Variants in AKAP6 observed in about 807,000 individuals in gnomAD.
AKAP6 encodes A-kinase anchor protein 6.
A neutral mutation model predicts 188.5 loss-of-function variants in AKAP6; 58 were observed. The ratio of observed to expected loss-of-function variants is 0.31; its 90% CI spans 0.25 to 0.38. AKAP6 has a LOEUF of 0.38. AKAP6 is among the 10% of genes least tolerant of loss of function. The pLI is 1.00. For missense variants in AKAP6, 2,710 were observed against 2,740.0 expected (o/e 0.99, Z 0.24); for synonymous variants, 989 against 998.6 (o/e 0.99, Z 0.18).
At chr14:32,516,142 C>T (rs1307566248) in intron 2 of AKAP6, among the ~76,000 whole-genome samples, 1 of 152,196 alleles carries the variant, frequency 6.6e-6, no homozygotes, top group Non-Finnish European at 1.5e-5. Flanking sequence ...TGATGACTAT[C>T]TTCAGTGATT....
intron 12 of AKAP6, among the ~76,000 whole-genome samples, chr14:32,777,750 G>T (rs1416943720): frequency 6.6e-6 from 1 of 152,172 alleles, no homozygotes; most frequent in East Asian, 1.9e-4. Context: ...ATAAAAGGAA[G>T]GTGGAAGCTG....
intron 1 of AKAP6, among the ~76,000 whole-genome samples, chr14:32,376,208 C>T (rs188398429): frequency 8.5e-5 from 13 of 152,354 alleles, no homozygotes; most frequent in Admixed American, 5.9e-4. Flanking sequence ...GTTATTTGAA[C>T]TTATTTGACC....
intron 8 of AKAP6, among the ~76,000 whole-genome samples, chr14:32,689,364 G>T (rs1890070441): frequency 1.3e-5 from 2 of 152,132 alleles, no homozygotes; most frequent in Admixed American, 1.3e-4. Flanking sequence ...TTGGTGGACA[G>T]ATGGTCCACG....
chr14:32,694,387 T>G (rs1205694546), intron 8 of AKAP6, among the ~76,000 whole-genome samples: 5 of 147,044 alleles, frequency 3.4e-5, no homozygotes, highest in African/African-American at 7.5e-5. Context: ...AAAAGCGTGG[T>G]CCATGGACCA....
At chr14:32,475,798 C>T (rs1261769392) in intron 2 of AKAP6, among the ~76,000 whole-genome samples, 1 of 151,672 alleles carries the variant, frequency 6.6e-6, no homozygotes, top group Admixed American at 6.6e-5. Flanking sequence ...CTGCCACAGC[C>T]TCCCAAGTAG....
rs111620347 is a variant in AKAP6 at position 32,437,657 on chromosome 14, C to T, written c.324+3840C>T. ...CGTCACCCAGACTGGAGTGCAGTGG[C>T]GCAATCTGGGCTCACTGCAACCTTT... On this transcript the variant is annotated intron_variant, in intron 2 of 13. Coordinates refer to ENST00000280979, the MANE Select transcript of AKAP6 (RefSeq NM_004274.5). Among the ~76,000 whole-genome samples the T allele has an allele frequency of 6.2e-3, 946 of 152,044 alleles. 7 individuals carry two copies. The highest frequency in any genetic ancestry group is 0.022 in the African/African-American group (909 of 41,492).
At chr14:32,780,272 T>C (rs2033206869) in intron 12 of AKAP6, among the ~76,000 whole-genome samples, 1 of 151,580 alleles carries the variant, frequency 6.6e-6, no homozygotes, top group South Asian at 2.1e-4. Context: ...GAGGACATTA[T>C]GCTAAGTGAA....
intron 8 of AKAP6, among the ~76,000 whole-genome samples, chr14:32,690,490 C>A (rs1445295017): frequency 2.0e-5 from 3 of 151,984 alleles, no homozygotes; most frequent in Non-Finnish European, 4.4e-5. Flanking sequence ...ATATTACCAT[C>A]AAATCTGCAG....
chr14:32,414,216 A>G (rs145304629), intron 1 of AKAP6, among the ~76,000 whole-genome samples: 22 of 152,216 alleles, frequency 1.4e-4, no homozygotes, highest in African/African-American at 5.1e-4. Flanking sequence ...ATCACACTGT[A>G]TTTGAATACA....
intron 5 of AKAP6, among the ~76,000 whole-genome samples, chr14:32,596,722 A>G (rs1443823793): frequency 6.6e-6 from 1 of 152,186 alleles, no homozygotes; most frequent in Non-Finnish European, 1.5e-5. Context: ...GAGGGACTGT[A>G]CACCATAGGG....
At chr14:32,578,684 A>G (rs1180602714) in intron 5 of AKAP6, among the ~76,000 whole-genome samples, 2 of 152,166 alleles carry the variant, frequency 1.3e-5, no homozygotes, top group African/African-American at 4.8e-5. Context: ...GTGCTGTCTT[A>G]CTTTCTCTTG....
chr14:32,713,170 A>G (rs12886386), intron 9 of AKAP6, among the ~76,000 whole-genome samples: 49,563 of 151,890 alleles, frequency 0.33, 8,616 homozygotes, highest in South Asian at 0.47. Context: ...TTTGAAAGGA[A>G]TCTTTTATTC....
rs141200450 is a variant in AKAP6, at chr14:32,776,378, G to C, written c.3588+2485G>C. ...AAGGGGAAACCCCTTTCACTTGGTT[G>C]TCATTCTCTCTTGTCTGCTGCCATG... On this transcript the variant is annotated intron_variant, in intron 12 of 13. Coordinates refer to ENST00000280979, the MANE Select transcript of AKAP6 (RefSeq NM_004274.5). 7.2e-3 allele frequency among the ~76,000 whole-genome samples: 1,102 copies of C among 152,258 alleles called. 6 individuals are homozygous for C. Among genetic ancestry groups the C allele is most frequent in the Non-Finnish European group, 8.1e-3 (548 of 68,028 alleles).
intron 1 of AKAP6, among the ~76,000 whole-genome samples, chr14:32,346,532 G>A (rs182067955): frequency 2.6e-5 from 4 of 152,090 alleles, no homozygotes; most frequent in East Asian, 3.9e-4. Context: ...TTTTTGAGAC[G>A]AAGTCTCGCT....
rs533576577 is a variant in AKAP6 at position 32,523,712 on chromosome 14, C to T, written c.325-11842C>T. On this transcript the variant is annotated intron_variant, in intron 2 of 13. Transcript: ENST00000280979. ...TCGAGCTCCTGAGCCAAGCGATCTG[C>T]CGGCCTCAGCCTCTCAAAGTGCCAG... 8.1e-4 allele frequency among the ~76,000 whole-genome samples: 122 copies of T among 151,552 alleles called. 1 individual carries two copies. The highest frequency in any genetic ancestry group is 2.7e-3 in the African/African-American group (113 of 41,290).
chr14:32,546,732 A>G lies in AKAP6; in HGVS notation c.2079A>G (p.Leu693=). The G allele has an allele frequency of 6.2e-7, 1 of 1,614,158 alleles. No homozygotes were observed. Among genetic ancestry groups the G allele is most frequent in the Non-Finnish European group, 8.5e-7 (1 of 1,180,016 alleles). Residue 693 remains leucine (L), a synonymous_variant, in exon 4 of 14, where the codon CTA becomes CTG. Transcript: ENST00000280979. ...ATGTCAAAAAGAAGCATACAAGGCT[A>G]GGCAGGGTGTCTCCAAGCTCATCTA... ...TYHVKKKHTR[L]GRVSPSSSSD...
At chr14:32,428,820 C>A (rs929811923) in intron 1 of AKAP6, among the ~76,000 whole-genome samples, 1 of 152,068 alleles carries the variant, frequency 6.6e-6, no homozygotes, top group Admixed American at 6.5e-5. Flanking sequence ...AGTAAGCCAT[C>A]CATGGCATGT....
chr14:32,546,667 T>C lies in AKAP6; in HGVS notation c.2014T>C (p.Ser672Pro), dbSNP rs768852200. ...CCAGAATATTGATGACTGGGAACTG[T>C]CTGAAATGAATTCAGATTCTGAAAT... is the stretch of plus-strand genomic sequence containing the variant. The part of the protein sequence containing the change: ...TIQNIDDWEL[S>P]EMNSDSEIYP... Residue 672 changes from serine to proline, a missense_variant, in exon 4 of 14, where the codon TCT (serine) becomes CCT (proline). Around this residue, in one of 2 missense-constraint regions of AKAP6, gnomAD observed 2,473 missense variants for 2,426.1 expected, o/e 1.02. Transcript: ENST00000280979. 5.6e-6 allele frequency: 9 copies of C among 1,614,096 alleles called. No individual in the cohort carries two copies. The highest frequency in any genetic ancestry group is 7.6e-6 in the Non-Finnish European group (9 of 1,180,012).
chr14:32,814,810 C>T (rs1427890795), intron 12 of AKAP6, among the ~76,000 whole-genome samples: 1 of 152,164 alleles, frequency 6.6e-6, no homozygotes, highest in Non-Finnish European at 1.5e-5. Flanking sequence ...CTCACTACAG[C>T]CTTGAACTCC....
Sources: gnomAD v4.1 joint callset for allele counts (sites outside exome capture counted in the v4.1 genomes callset) on GRCh38, gnomAD v4.1.1 for gene constraint, gnomAD v4.1.1 regional missense constraint, MANE v1.5 for transcripts, NCBI Gene and HGNC (gene_info 2026-07-23, HGNC 2026-07-21) for gene names.